SCARA5: variants seen among roughly 807,000 people sequenced by gnomAD.
SCARA5 encodes the protein scavenger receptor class A member 5, also known as scavenger receptor class A, member 5 (putative).
In SCARA5, 45 loss-of-function variants were observed where a neutral mutation model predicts 46.3. The ratio of observed to expected loss-of-function variants is 0.97; its 90% CI spans 0.76 to 1.24. SCARA5 has a LOEUF of 1.24. SCARA5 is among the 50% of genes most tolerant of loss of function. The probability of loss-of-function intolerance (pLI) is 0.00; values close to 1 mark genes in which losing one functional copy is unlikely to be tolerated. For missense variants in SCARA5, 680 were observed against 689.0 expected, an observed-to-expected ratio of 0.99 and a Z score of 0.15; for synonymous variants, 333 against 306.5, an observed-to-expected ratio of 1.09 and a Z score of -0.90.
chr8:27,881,027 T>A lies in SCARA5; in HGVS notation c.1154-1261A>T, dbSNP rs190097853. Among the ~76,000 whole-genome samples, 40 of 152,252 alleles carry A rather than the reference T, an allele frequency of 2.6e-4. 1 individual carries two copies. The highest frequency in any genetic ancestry group is 9.6e-4 in the African/African-American group (40 of 41,554). ...CTCACGCCAGTCAGAATGGCTATTA[T>A]TAAAAAGTCAAAAAACAACAGATGC... On this transcript the variant is annotated intron_variant, in intron 7 of 8. Coordinates refer to ENST00000354914, the MANE Select transcript of SCARA5 (RefSeq NM_173833.6).
intron 3 of SCARA5, among the ~76,000 whole-genome samples, chr8:27,960,543 A>C (rs1199720225): frequency 6.6e-6 from 1 of 152,212 alleles, no homozygotes; most frequent in Non-Finnish European, 1.5e-5. Flanking sequence ...TTCAGTCCTC[A>C]CAACAGCCCC....
chr8:27,942,804 T>C (rs1187215481), intron 3 of SCARA5, among the ~76,000 whole-genome samples: 1 of 152,196 alleles, frequency 6.6e-6, no homozygotes, highest in Non-Finnish European at 1.5e-5. Context: ...TTCATGCTTC[T>C]TAATGCTGAA....
At chr8:27,976,739 T>C (rs755421248) in intron 2 of SCARA5, among the ~76,000 whole-genome samples, 1 of 152,162 alleles carries the variant, frequency 6.6e-6, no homozygotes, top group Non-Finnish European at 1.5e-5. Context: ...CCCTGAAGCC[T>C]CCAGCTCTGC....
At chr8:27,881,051 G>A (rs1352019473) in intron 7 of SCARA5, among the ~76,000 whole-genome samples, 1 of 152,134 alleles carries the variant, frequency 6.6e-6, no homozygotes, top group Non-Finnish European at 1.5e-5. Flanking sequence ...AACAACAGAT[G>A]CTGATAAGCC....
chr8:27,871,716 G>C lies in SCARA5; in HGVS notation c.*218C>G, dbSNP rs147675799. On this transcript the variant is annotated 3_prime_UTR_variant, in exon 9 of 9. Coordinates refer to ENST00000354914, the MANE Select transcript of SCARA5 (RefSeq NM_173833.6). Reference sequence around the variant, plus strand: ...CCTCATGCAGGAACCTGGTGGAAGAGAGAGACGGGCAGTAGGTCCCAGAGT... The same window carrying C: ...CCTCATGCAGGAACCTGGTGGAAGACAGAGACGGGCAGTAGGTCCCAGAGT... 2.3e-5 allele frequency: 32 copies of C among 1,400,038 alleles called. No individual in the cohort carries two copies. The African/African-American group carries it at 3.8e-4, about 16-fold the overall frequency. The allele number at this position is 1,400,038 out of a possible 1,614,324, so 86.7% of individuals were successfully genotyped here. A position where few individuals can be genotyped will look rare whatever the true frequency, so the allele number is the denominator to read the frequency against.
At chr8:27,910,680 G>A (rs1031711665) in intron 4 of SCARA5, among the ~76,000 whole-genome samples, 23 of 152,204 alleles carry the variant, frequency 1.5e-4, no homozygotes, top group African/African-American at 4.8e-4. Context: ...TGAGGAGTGC[G>A]GCCATCAGAG....
chr8:27,964,729 GTCT>G (rs1808342487), intron 3 of SCARA5, among the ~76,000 whole-genome samples: 1 of 152,046 alleles, frequency 6.6e-6, no homozygotes, highest in Non-Finnish European at 1.5e-5. Context: ...TCCACTGCAA[GTCT>G]TCTCTTCCCC....
At chr8:27,903,049 G>C (rs1014356923) in intron 7 of SCARA5, among the ~76,000 whole-genome samples, 2 of 152,186 alleles carry the variant, frequency 1.3e-5, no homozygotes, top group East Asian at 3.9e-4. Flanking sequence ...TCATGCCTCA[G>C]GGAGGGGAGG....
At chr8:27,882,022 T>C (rs1200777278) in intron 7 of SCARA5, among the ~76,000 whole-genome samples, 3 of 152,250 alleles carry the variant, frequency 2.0e-5, no homozygotes, top group South Asian at 2.1e-4. Context: ...GCTCCACTTA[T>C]TCAGTGAGAC....
intron 3 of SCARA5, among the ~76,000 whole-genome samples, chr8:27,956,724 A>T (rs1360157584): frequency 6.6e-6 from 1 of 152,104 alleles, no homozygotes; most frequent in African/African-American, 2.4e-5. Flanking sequence ...AGTCAGTATG[A>T]TCCTCATAGC....
At chr8:27,916,797 G>C (rs532093891) in intron 4 of SCARA5, among the ~76,000 whole-genome samples, 1 of 152,174 alleles carries the variant, frequency 6.6e-6, no homozygotes, top group African/African-American at 2.4e-5. Flanking sequence ...AAGCACTGTC[G>C]AACTGTGAAG....
At chr8:27,919,635 C>T (rs1237845792) in intron 4 of SCARA5, among the ~76,000 whole-genome samples, 1 of 151,790 alleles carries the variant, frequency 6.6e-6, no homozygotes, top group Non-Finnish European at 1.5e-5. Flanking sequence ...TGCCCCCTAG[C>T]ATGAGAGGCA....
At chr8:27,880,355 G>A (rs1403902401) in intron 7 of SCARA5, among the ~76,000 whole-genome samples, 4 of 147,950 alleles carry the variant, frequency 2.7e-5, no homozygotes, top group Non-Finnish European at 4.5e-5. Flanking sequence ...ACAAGTGGAC[G>A]AGTGGGAACT....
chr8:27,935,002 G>T (rs895796585), intron 3 of SCARA5, among the ~76,000 whole-genome samples: 1 of 152,172 alleles, frequency 6.6e-6, no homozygotes, highest in East Asian at 1.9e-4. Context: ...ACTTCATTTT[G>T]ATCAAGTACC....
chr8:27,952,462 G>T (rs1563536648), intron 3 of SCARA5, among the ~76,000 whole-genome samples: 1 of 152,188 alleles, frequency 6.6e-6, no homozygotes, highest in African/African-American at 2.4e-5. Context: ...ACAGGGAGTG[G>T]TCAGGGGGCT....
chr8:27,949,407 G>A (rs1170934359), intron 3 of SCARA5, among the ~76,000 whole-genome samples: 1 of 152,232 alleles, frequency 6.6e-6, no homozygotes, highest in Non-Finnish European at 1.5e-5. Context: ...ATCTGTGAAT[G>A]GGGATAATAG....
intron 7 of SCARA5, among the ~76,000 whole-genome samples, chr8:27,900,565 G>A (rs1807135092): frequency 1.3e-5 from 2 of 152,018 alleles, no homozygotes. Context: ...ATTCACCCTG[G>A]TGTCATCTGC....
At chr8:27,901,413 C>T (rs754703777) in intron 7 of SCARA5, among the ~76,000 whole-genome samples, 7 of 152,094 alleles carry the variant, frequency 4.6e-5, no homozygotes, top group South Asian at 2.1e-4. Context: ...GTGCTGCAAA[C>T]GCTTTTTTCC....
At position 27,961,392 on chromosome 8, in the gene SCARA5, G is replaced by T. The variant is rs1160487817; in HGVS notation, c.241+5022C>A. Among the ~76,000 whole-genome samples, 3 of 152,264 alleles carry T rather than the reference G, an allele frequency of 2.0e-5. No homozygotes were observed. In the East Asian group the frequency reaches 5.8e-4, roughly 29 times the overall value. On this transcript the variant is annotated intron_variant, in intron 3 of 8. Coordinates refer to ENST00000354914, the MANE Select transcript of SCARA5 (RefSeq NM_173833.6). ...ACGTGCCTACTCCCCATTGTCTTCT[G>T]CCATGACTGGAAGCTTCCTGAGGCC... is the stretch of plus-strand genomic sequence containing the variant.
Sources: allele counts gnomAD v4.1 joint callset (sites outside exome capture counted in the v4.1 genomes callset), GRCh38; gene constraint gnomAD v4.1.1; transcripts MANE v1.5; gene names NCBI Gene and HGNC (gene_info 2026-07-23, HGNC 2026-07-21).